CDK14: variants seen among roughly 807,000 people sequenced by gnomAD.
The protein encoded by CDK14 is cyclin-dependent kinase 14.
A neutral mutation model predicts 60.7 loss-of-function variants in CDK14; 34 were observed. That is an observed-to-expected ratio of 0.56 (90% CI 0.43 to 0.75). The LOEUF (loss-of-function observed/expected upper bound fraction) is 0.75. Ranked by LOEUF, CDK14 falls within the 30% of genes least tolerant of loss-of-function variation. CDK14 has a pLI of 0.00. For synonymous variants in CDK14, 197 were observed against 203.7 expected (o/e 0.97, Z 0.28); for missense variants, 482 against 564.1 (o/e 0.85, Z 1.47).
At chr7:90,905,209 T>C (rs1792652349) in intron 7 of CDK14, among the ~76,000 whole-genome samples, 1 of 152,190 alleles carries the variant, frequency 6.6e-6, no homozygotes, top group African/African-American at 2.4e-5. Context: ...AGTAACTTGC[T>C]AAGCCAGCAG....
intron 14 of CDK14, among the ~76,000 whole-genome samples, chr7:91,135,534 G>A (rs892026246): frequency 2.6e-5 from 4 of 152,166 alleles, no homozygotes. Flanking sequence ...AGGGAGCCAT[G>A]TATAGCATTT....
intron 1 of CDK14, 30 bp from the exon 2 acceptor site, chr7:90,604,188 A>G: frequency 2.1e-6 from 3 of 1,461,008 alleles, no homozygotes; most frequent in Non-Finnish European, 2.8e-6. Context: ...TTTTCACAAT[A>G]ACTGTTTCCT....
chr7:91,209,007 T>G lies in CDK14; in HGVS notation c.*1871T>G, dbSNP rs1427908958. ...ATTTTGATTTAAAGTATACTTAAAT[T>G]AGGATTTCTTAAAGAAAACATAGGG... On this transcript the variant is annotated 3_prime_UTR_variant, in exon 15 of 15. Coordinates refer to ENST00000380050, the MANE Select transcript of CDK14 (RefSeq NM_001287135.2). 6.6e-6 allele frequency: 1 copy of G among 152,628 alleles called. No individual in the cohort carries two copies. Among genetic ancestry groups the G allele is most frequent in the East Asian group, 1.9e-4 (1 of 5,194 alleles). The allele number at this position is 152,628 out of a possible 1,614,324, so 9.5% of individuals were successfully genotyped here. A position where few individuals can be genotyped will look rare whatever the true frequency, so the allele number is the denominator to read the frequency against.
intron 8 of CDK14, among the ~76,000 whole-genome samples, chr7:90,950,630 A>T (rs1393067652): frequency 5.3e-5 from 8 of 152,244 alleles, no homozygotes; most frequent in Non-Finnish European, 8.8e-5. Context: ...AGTCAGCTGG[A>T]GACGCTAGAG....
chr7:90,786,034 G>C (rs1326794129), intron 4 of CDK14, among the ~76,000 whole-genome samples: 2 of 152,184 alleles, frequency 1.3e-5, no homozygotes, highest in Non-Finnish European at 1.5e-5. Context: ...GCCCAGTGCA[G>C]TTCTTCCTGG....
At chr7:90,753,554 G>T (rs1009946908) in intron 4 of CDK14, among the ~76,000 whole-genome samples, 1 of 152,130 alleles carries the variant, frequency 6.6e-6, no homozygotes, top group Non-Finnish European at 1.5e-5. Context: ...ACAGCTGGAA[G>T]CATTCCTCTA....
intron 11 of CDK14, among the ~76,000 whole-genome samples, chr7:91,073,239 G>A (rs571215718): frequency 6.6e-6 from 1 of 152,256 alleles, no homozygotes; most frequent in South Asian, 2.1e-4. Context: ...AGGAAAAAAT[G>A]TTAAGGGCAG....
intron 12 of CDK14, among the ~76,000 whole-genome samples, chr7:91,083,802 AT>A (rs1359028483): frequency 6.6e-5 from 10 of 152,172 alleles, no homozygotes; most frequent in Non-Finnish European, 1.5e-4. Context: ...CTGTCCAAAG[AT>A]TCAGGTTGCA....
chr7:90,785,255 A>G (rs1284991893), intron 4 of CDK14, among the ~76,000 whole-genome samples: 1 of 152,202 alleles, frequency 6.6e-6, no homozygotes. Flanking sequence ...TAGCACATGG[A>G]CACTGTTTTC....
At chr7:90,934,849 C>T (rs1793701369) in intron 8 of CDK14, among the ~76,000 whole-genome samples, 1 of 152,164 alleles carries the variant, frequency 6.6e-6, no homozygotes, top group East Asian at 1.9e-4. Context: ...AACTGCTTGG[C>T]TCATGAAAAA....
intron 9 of CDK14, among the ~76,000 whole-genome samples, chr7:90,964,942 C>G (rs927354474): frequency 6.6e-6 from 1 of 152,140 alleles, no homozygotes; most frequent in Non-Finnish European, 1.5e-5. Context: ...TGTCTTTGCT[C>G]TTATGACTAA....
At chr7:90,911,111 G>A (rs558372343) in intron 7 of CDK14, among the ~76,000 whole-genome samples, 13 of 152,090 alleles carry the variant, frequency 8.5e-5, no homozygotes, top group African/African-American at 3.1e-4. Context: ...TGTGAAATAG[G>A]GATAGTAACA....
At chr7:90,888,465 A>G (rs959331950) in intron 6 of CDK14, among the ~76,000 whole-genome samples, 34 of 152,182 alleles carry the variant, frequency 2.2e-4, no homozygotes, top group Admixed American at 1.6e-3. Flanking sequence ...AAAAGACTCT[A>G]TTATTCACCC....
intron 14 of CDK14, among the ~76,000 whole-genome samples, chr7:91,179,162 T>C (rs1252141460): frequency 1.3e-5 from 2 of 151,964 alleles, no homozygotes; most frequent in African/African-American, 2.4e-5. Context: ...CACCATGGAA[T>C]ACTATGCAGC....
intron 10 of CDK14, among the ~76,000 whole-genome samples, chr7:90,986,536 T>G (rs1160122283): frequency 1.3e-5 from 2 of 152,048 alleles, no homozygotes; most frequent in Non-Finnish European, 2.9e-5. Context: ...TTAGCATAAA[T>G]GTACAGTTTG....
In CDK14 at chr7:90,990,395, A is replaced by AG. The variant is rs538507334; in HGVS notation, c.1041+6154_1041+6155insG. Among the ~76,000 whole-genome samples the AG allele has an allele frequency of 1.3e-4, 20 of 152,290 alleles. No individual in the cohort carries two copies. The South Asian group carries it at 3.9e-3, about 30-fold the overall frequency. ...AGAACATTGAAAATATTAAGCTACA[A>AG]TTTTTAAATCAATTTTAGAAAAACA... is the stretch of plus-strand genomic sequence containing the variant. On this transcript the variant is annotated intron_variant, in intron 10 of 14. Transcript: ENST00000380050.
chr7:90,949,727 T>G (rs1794200057), intron 8 of CDK14, among the ~76,000 whole-genome samples: 1 of 152,190 alleles, frequency 6.6e-6, no homozygotes, highest in Admixed American at 6.5e-5. Context: ...GGATTTTGGT[T>G]TCTTATAAAA....
rs747845379 is a variant in CDK14, at chr7:90,899,323, C to G, written c.672C>G (p.His224Gln). 6.2e-7 allele frequency: 1 copy of G among 1,602,428 alleles called. No homozygotes were observed. Among genetic ancestry groups the G allele is most frequent in the East Asian group, 2.3e-5 (1 of 43,952 alleles). ...HTDLCQYMDK[H>Q]PGGLHPDNVK... is the part of the protein sequence containing the mutation. ...ATTTATGTCAGTACATGGACAAGCA[C>G]CCTGGGGGGCTGCATCCAGATAATG... Residue 224 changes from histidine to glutamine, a missense_variant, in exon 7 of 15, where the codon CAC becomes CAG. By Grantham distance (24) the His-to-Gln change is conservative (BLOSUM62 0). Coordinates refer to ENST00000380050, the MANE Select transcript of CDK14 (RefSeq NM_001287135.2).
chr7:90,676,775 G>T (rs929429453), intron 2 of CDK14, among the ~76,000 whole-genome samples: 1 of 151,938 alleles, frequency 6.6e-6, no homozygotes, highest in South Asian at 2.1e-4. Flanking sequence ...GGCTCAAGGG[G>T]TCTTCCTGCC....
Sources: gnomAD v4.1 joint callset for allele counts (sites outside exome capture counted in the v4.1 genomes callset) on GRCh38, gnomAD v4.1.1 for gene constraint, MANE v1.5 for transcripts, NCBI Gene and HGNC (gene_info 2026-07-23, HGNC 2026-07-21) for gene names.